The following HCK variants were observed in gnomAD, a reference collection of about 807,000 sequenced individuals.
HCK encodes HCK proto-oncogene, Src family tyrosine kinase, also known as tyrosine-protein kinase HCK.
Under a neutral mutation model 70.4 loss-of-function variants are expected in HCK, and 40 were observed. The ratio of observed to expected loss-of-function variants is 0.57; its 90% CI spans 0.44 to 0.74. HCK has a LOEUF of 0.74. HCK is among the 30% of genes least tolerant of loss of function. The pLI, the probability that HCK is intolerant of heterozygous loss-of-function variation, is 0.00. For missense variants in HCK, 568 were observed against 697.2 expected (o/e 0.81, Z 2.09); for synonymous variants, 245 against 263.2 (o/e 0.93, Z 0.67).
At position 32,064,723 on chromosome 20, in the gene HCK, C is replaced by G. The variant is rs1455690534; in HGVS notation, c.63-6939C>G. On this transcript the variant is annotated intron_variant, in intron 1 of 12. Coordinates refer to ENST00000375852, the MANE Select transcript of HCK (RefSeq NM_002110.5). ...TGCTCAGGCAGGCCCCGGCCTCTCC[C>G]CCTTGAGCTTGACTCTGAGAGCACA... is the stretch of plus-strand genomic sequence containing the variant. Among the ~76,000 whole-genome samples the G allele has an allele frequency of 3.9e-5, 6 of 152,336 alleles. No homozygotes were observed. In the East Asian group the frequency reaches 1.2e-3, roughly 29 times the overall value.
At chr20:32,069,346 C>T (rs548767298) in intron 1 of HCK, among the ~76,000 whole-genome samples, 27 of 152,302 alleles carry the variant, frequency 1.8e-4, no homozygotes, top group East Asian at 1.2e-3. Flanking sequence ...AGGTGCTCAA[C>T]GCGCATGGAT....
At chr20:32,088,492 T>C (rs1244689000) in intron 9 of HCK, 76 bp from the exon 10 acceptor site, 2 of 1,052,954 alleles carry the variant, frequency 1.9e-6, no homozygotes, top group Non-Finnish European at 2.9e-6. Context: ...AAGTACTAGA[T>C]TGGTGCAAAA....
intron 1 of HCK, among the ~76,000 whole-genome samples, chr20:32,066,667 C>A (rs989637203): frequency 2.0e-5 from 3 of 152,064 alleles, no homozygotes; most frequent in South Asian, 2.1e-4. Context: ...AATTTATACT[C>A]AAAAAATATT....
At chr20:32,094,778 A>AAAGG (rs1298246555) in intron 11 of HCK, among the ~76,000 whole-genome samples, 10 of 106,264 alleles carry the variant, frequency 9.4e-5, no homozygotes, top group African/African-American at 4.1e-4. Context: ...AGAAAGAAAG[A>AAAGG]GAGAGAAAGA....
intron 1 of HCK, among the ~76,000 whole-genome samples, chr20:32,057,679 A>G (rs7266178): frequency 0.059 from 9,014 of 152,232 alleles, 543 homozygotes; most frequent in African/African-American, 0.15. Flanking sequence ...TTAGTAGCAC[A>G]ATCTCTCTCA....
chr20:32,088,627 A>G lies in HCK; in HGVS notation c.1075A>G (p.Ile359Val). 6.2e-7 allele frequency: 1 copy of G among 1,613,146 alleles called. No individual in the cohort carries two copies. Among genetic ancestry groups the G allele is most frequent in the Non-Finnish European group, 8.5e-7 (1 of 1,179,136 alleles). The change falls in exon 10 of 13, where the codon ATT becomes GTT. Residue 359 changes from isoleucine (I) to valine (V), a missense_variant. Coordinates refer to ENST00000375852, the MANE Select transcript of HCK (RefSeq NM_002110.5). ...CAGCAAGCAGCCATTGCCAAAACTC[A>G]TTGACTTCTCAGCCCAGGTGAGAGC...
In HCK at chr20:32,073,836, T is replaced by A. The variant is rs2045582025; in HGVS notation, c.329+18T>A. 6.9e-7 allele frequency: 1 copy of A among 1,455,326 alleles called. No individual in the cohort carries two copies. Among genetic ancestry groups the A allele is most frequent in the East Asian group, 2.5e-5 (1 of 40,526 alleles). The allele number at this position is 1,455,326 out of a possible 1,614,324, so 90.2% of individuals were successfully genotyped here. A position where few individuals can be genotyped will look rare whatever the true frequency, so the allele number is the denominator to read the frequency against. ...CTAGAGGAGTGAGTCCCCATCCCAC[T>A]CCCCCTAAGACAGACCTGCCTCCTC... On this transcript the variant is annotated intron_variant, in intron 4 of 12. Coordinates refer to ENST00000375852, the MANE Select transcript of HCK (RefSeq NM_002110.5).
At chr20:32,090,834 T>C (rs907496551) in intron 10 of HCK, among the ~76,000 whole-genome samples, 1 of 151,924 alleles carries the variant, frequency 6.6e-6, no homozygotes, top group Admixed American at 6.6e-5. Flanking sequence ...TCACACAGAG[T>C]TTTGTTTTGA....
At chr20:32,096,035 A>G (rs1238507126) in intron 11 of HCK, among the ~76,000 whole-genome samples, 1 of 151,756 alleles carries the variant, frequency 6.6e-6, no homozygotes, top group Non-Finnish European at 1.5e-5. Context: ...GATTACAAGC[A>G]TGTGCCATCA....
intron 10 of HCK, among the ~76,000 whole-genome samples, chr20:32,089,102 G>A (rs563747636): frequency 3.3e-4 from 50 of 152,192 alleles, no homozygotes; most frequent in Non-Finnish European, 2.5e-4. Context: ...TCTTCACGGC[G>A]CAGCAGCTGG....
intron 10 of HCK, among the ~76,000 whole-genome samples, chr20:32,089,548 A>T (rs1250630685): frequency 6.6e-6 from 1 of 152,224 alleles, no homozygotes; most frequent in African/African-American, 2.4e-5. Context: ...GTCCTGGCTG[A>T]GTCAAAAGAG....
At position 32,062,267 on chromosome 20, in the gene HCK, T is replaced by C. The variant is rs1183517584; in HGVS notation, c.63-9395T>C. ...ACTTACATTTTTAAAGGCTCACTTA[T>C]TTGTAAGAGGCAGAATGCAGATTCA... On this transcript the variant is annotated intron_variant, in intron 1 of 12. Coordinates refer to ENST00000375852, the MANE Select transcript of HCK (RefSeq NM_002110.5). 2.0e-5 allele frequency among the ~76,000 whole-genome samples: 3 copies of C among 152,114 alleles called. No homozygotes were observed. In the South Asian group the frequency reaches 6.2e-4, roughly 32 times the overall value.
In HCK at chr20:32,101,534, G is replaced by A. The variant is rs2046035467; in HGVS notation, c.*15G>A. On this transcript the variant is annotated 3_prime_UTR_variant, in exon 13 of 13. Transcript: ENST00000375852. ...AGCAGCCATGATAGGGAGGACCAGG[G>A]CAGGGCCAGGGGGTGCCCAGGTGGT... The A allele has an allele frequency of 1.9e-6, 3 of 1,605,710 alleles. No individual in the cohort carries two copies. The highest frequency in any genetic ancestry group is 3.4e-5 in the Admixed American group (2 of 58,740).
At chr20:32,061,211 T>C (rs1381821881) in intron 1 of HCK, among the ~76,000 whole-genome samples, 1 of 152,170 alleles carries the variant, frequency 6.6e-6, no homozygotes, top group Non-Finnish European at 1.5e-5. Context: ...CTTGAACTCC[T>C]GACCTTGTGA....
At chr20:32,083,451 A>C (rs1476840518) in intron 6 of HCK, among the ~76,000 whole-genome samples, 1 of 152,188 alleles carries the variant, frequency 6.6e-6, no homozygotes, top group Admixed American at 6.5e-5. Context: ...AAAAAGTAAA[A>C]AGTATACTAT....
intron 7 of HCK, 41 bp downstream of exon 7, chr20:32,084,084 C>A (rs1240280905): frequency 6.3e-7 from 1 of 1,597,486 alleles, no homozygotes; most frequent in East Asian, 2.2e-5. Flanking sequence ...CCACGATGGG[C>A]CCACAGACTC....
intron 8 of HCK, among the ~76,000 whole-genome samples, chr20:32,085,546 A>G (rs965485006): frequency 1.3e-5 from 2 of 152,118 alleles, no homozygotes; most frequent in Non-Finnish European, 2.9e-5. Context: ...AGAATTTGAC[A>G]AAAAAGAAAA....
chr20:32,101,486 G>A lies in HCK; in HGVS notation c.1548G>A (p.Thr516=), dbSNP rs201487019. The A allele has an allele frequency of 8.1e-6, 13 of 1,613,652 alleles. No homozygotes were observed. Among genetic ancestry groups the A allele is most frequent in the East Asian group, 2.2e-5 (1 of 44,886 alleles). The change falls in exon 13 of 13, where the codon ACG becomes ACA. Residue 516 remains threonine, a synonymous_variant. Coordinates refer to ENST00000375852, the MANE Select transcript of HCK (RefSeq NM_002110.5). ...AGAGTGTGCTGGATGACTTCTACACGGCCACAGAGAGCCAGTACCAACAGC... is the reference window on the plus strand; with the variant it reads ...AGAGTGTGCTGGATGACTTCTACACAGCCACAGAGAGCCAGTACCAACAGC...
intron 1 of HCK, among the ~76,000 whole-genome samples, chr20:32,066,554 C>G (rs140779915): frequency 6.0e-4 from 91 of 152,144 alleles, no homozygotes; most frequent in South Asian, 2.7e-3. Flanking sequence ...CTCAAGTGAT[C>G]CACCCACATC....
Sources: allele counts gnomAD v4.1 joint callset (sites outside exome capture counted in the v4.1 genomes callset), GRCh38; gene constraint gnomAD v4.1.1; transcripts MANE v1.5; gene names NCBI Gene and HGNC (gene_info 2026-07-23, HGNC 2026-07-21).